Variants in FAM227B observed in about 807,000 individuals in gnomAD.
The protein encoded by FAM227B is protein FAM227B.
Under a neutral mutation model 73.8 loss-of-function variants are expected in FAM227B, and 88 were observed. That is an observed-to-expected ratio of 1.19 (90% CI 1.00 to 1.42). FAM227B has a LOEUF of 1.42. Among genes scored for constraint, FAM227B ranks in the 40% most tolerant of loss-of-function variants. The pLI is 0.00. For synonymous variants in FAM227B, 210 were observed against 190.5 expected (o/e 1.10, Z -0.84); for missense variants, 632 against 590.9 (o/e 1.07, Z -0.72).
intron 14 of FAM227B, among the ~76,000 whole-genome samples, chr15:49,332,634 A>G (rs2039001913): frequency 6.6e-6 from 1 of 152,228 alleles, no homozygotes; most frequent in African/African-American, 2.4e-5. Flanking sequence ...AGAGAAACGG[A>G]ATAAAGGATA....
At chr15:49,386,917 T>C (rs886256134) in intron 11 of FAM227B, among the ~76,000 whole-genome samples, 4 of 151,878 alleles carry the variant, frequency 2.6e-5, no homozygotes, top group African/African-American at 9.7e-5. Context: ...GATGAATTCC[T>C]GGAAACATAC....
At position 49,577,302 on chromosome 15, in the gene FAM227B, C is replaced by T. The variant is rs113520249; in HGVS notation, c.441+327G>A. ...ACAGAGTGAGGCCCCATTCCCCACA[C>T]CCCCTGCAAAAAAAGAAAAACCTTC... On this transcript the variant is annotated intron_variant, in intron 6 of 15. Transcript: ENST00000299338. 1,920 of 326,516 alleles carry T rather than the reference C, an allele frequency of 5.9e-3. 37 individuals carry two copies. Among genetic ancestry groups the T allele is most frequent in the African/African-American group, 0.04 (1,804 of 45,022 alleles). The allele number at this position is 326,516 out of a possible 1,614,324, so 20.2% of individuals were successfully genotyped here.
At chr15:49,369,157 C>G (rs112854186) in intron 12 of FAM227B, among the ~76,000 whole-genome samples, 22,548 of 151,924 alleles carry the variant, frequency 0.15, 2,180 homozygotes, top group Non-Finnish European at 0.21. Flanking sequence ...CGGGGTATCA[C>G]CGTGTTAGCC....
chr15:49,501,146 C>T (rs1045268837), intron 11 of FAM227B, among the ~76,000 whole-genome samples: 1 of 152,104 alleles, frequency 6.6e-6, no homozygotes, highest in South Asian at 2.1e-4. Context: ...AGGAGTAGGG[C>T]ATTGCTATAA....
Position 49,435,031 on chromosome 15 carries a change from A to G in FAM227B, c.1013-63632T>C, listed in dbSNP as rs572084661. Reference sequence around the variant, plus strand: ...GTGTATTTTACAACAATAAAAATACATTCATACAAAACAGTAATGTTCATT... The same window carrying G: ...GTGTATTTTACAACAATAAAAATACGTTCATACAAAACAGTAATGTTCATT... On this transcript the variant is annotated intron_variant, in intron 11 of 15. Coordinates refer to ENST00000299338, the MANE Select transcript of FAM227B (RefSeq NM_152647.3). Among the ~76,000 whole-genome samples, 138 of 151,792 alleles carry G rather than the reference A, an allele frequency of 9.1e-4. 5 individuals are homozygous for G. In the South Asian group the frequency reaches 0.027, roughly 30 times the overall value.
chr15:49,558,061 T>C (rs748168373), intron 9 of FAM227B, among the ~76,000 whole-genome samples: 1 of 152,134 alleles, frequency 6.6e-6, no homozygotes, highest in Non-Finnish European at 1.5e-5. Flanking sequence ...GCAGACTATG[T>C]GACCTCCTAT....
intron 11 of FAM227B, among the ~76,000 whole-genome samples, chr15:49,467,544 G>A (rs573909903): frequency 1.3e-5 from 2 of 152,182 alleles, no homozygotes; most frequent in South Asian, 4.2e-4. Flanking sequence ...TCTAGATGGT[G>A]GGAAGAGATT....
intron 12 of FAM227B, among the ~76,000 whole-genome samples, chr15:49,368,210 T>C (rs1051301453): frequency 3.3e-5 from 5 of 152,020 alleles, no homozygotes; most frequent in Admixed American, 6.6e-5. Flanking sequence ...AAAAATTCTA[T>C]GTCAAGAATA....
At chr15:49,451,022 G>T (rs1036384635) in intron 11 of FAM227B, among the ~76,000 whole-genome samples, 4 of 151,994 alleles carry the variant, frequency 2.6e-5, no homozygotes, top group African/African-American at 4.8e-5. Context: ...GGAAATATAT[G>T]TCTAAAAACT....
At chr15:49,577,104 C>A in intron 6 of FAM227B, 1 of 349,678 alleles carries the variant, frequency 2.9e-6, no homozygotes, top group Non-Finnish European at 5.2e-6. Flanking sequence ...CGAGACCAGC[C>A]TGGACAACAT....
At chr15:49,379,508 T>C (rs2046382703) in intron 11 of FAM227B, among the ~76,000 whole-genome samples, 1 of 152,202 alleles carries the variant, frequency 6.6e-6, no homozygotes, top group African/African-American at 2.4e-5. Flanking sequence ...TATTTATGGT[T>C]CAATCTTGGT....
chr15:49,620,053 C>G (rs957550959), intron 1 of FAM227B: 3 of 152,096 alleles, frequency 2.0e-5, no homozygotes, highest in African/African-American at 7.2e-5. Flanking sequence ...TGGGTCAAGA[C>G]CTCCACTAAT....
intron 11 of FAM227B, among the ~76,000 whole-genome samples, chr15:49,454,267 T>C (rs1229060370): frequency 3.9e-5 from 6 of 152,180 alleles, no homozygotes; most frequent in Non-Finnish European, 7.3e-5. Context: ...AGAAGTTTCA[T>C]AGGGGGCAGG....
intron 11 of FAM227B, among the ~76,000 whole-genome samples, chr15:49,489,871 T>TATATATTTTATATATATATA (rs2056885738): frequency 6.3e-5 from 1 of 15,798 alleles, no homozygotes; most frequent in Non-Finnish European, 1.5e-4. Flanking sequence ...TATATATATA[T>TATATATTTTATATATATATA]ATATATATAT....
chr15:49,589,792 G>A lies in FAM227B; in HGVS notation c.321C>T (p.Ser107=). ...NHTSEIFKWK[S]MISETSSYRK... ...AAGGCTCACTTGTCTCAGAAATCAT[G>A]CTTTTCCACTTAAATATTTCAGAGG... Residue 107 remains serine (S), a synonymous_variant, in exon 4 of 16, where the codon AGC becomes AGT. Transcript: ENST00000299338. The A allele has an allele frequency of 6.4e-7, 1 of 1,574,328 alleles. No homozygotes were observed. The highest frequency in any genetic ancestry group is 8.7e-7 in the Non-Finnish European group (1 of 1,145,154).
At chr15:49,404,006 T>G (rs1184023194) in intron 11 of FAM227B, among the ~76,000 whole-genome samples, 1 of 152,196 alleles carries the variant, frequency 6.6e-6, no homozygotes, top group Non-Finnish European at 1.5e-5. Context: ...CTTCCTTAAT[T>G]TCATTATTTA....
At chr15:49,438,348 C>T (rs1456919654) in intron 11 of FAM227B, among the ~76,000 whole-genome samples, 2 of 151,742 alleles carry the variant, frequency 1.3e-5, no homozygotes, top group Non-Finnish European at 2.9e-5. Flanking sequence ...ACCAAATCCT[C>T]TTACCAGAAC....
intron 4 of FAM227B, among the ~76,000 whole-genome samples, chr15:49,589,032 TAAGAC>T (rs1269187272): frequency 1.3e-5 from 2 of 151,904 alleles, no homozygotes; most frequent in East Asian, 1.9e-4. Context: ...AAATCAAGAA[TAAGAC>T]AAGAATAATT....
intron 5 of FAM227B, among the ~76,000 whole-genome samples, chr15:49,579,831 T>G (rs2075700015): frequency 6.6e-6 from 1 of 152,110 alleles, no homozygotes. Flanking sequence ...TGATAGCTAT[T>G]CTAAATAACC....
Sources: gnomAD v4.1 joint callset for allele counts (sites outside exome capture counted in the v4.1 genomes callset) on GRCh38, gnomAD v4.1.1 for gene constraint, MANE v1.5 for transcripts, NCBI Gene and HGNC (gene_info 2026-07-23, HGNC 2026-07-21) for gene names.